GRHL1: variants seen among roughly 807,000 people sequenced by gnomAD.
GRHL1 encodes grainyhead-like protein 1 homolog.
GRHL1 carries 38 observed loss-of-function variants against 75.7 expected under a neutral mutation model. The observed-to-expected ratio is 0.50, with a 90% CI of 0.39 to 0.66. The LOEUF (loss-of-function observed/expected upper bound fraction) is 0.66. Ranked by LOEUF, GRHL1 falls within the 30% of genes least tolerant of loss-of-function variation. GRHL1 has a pLI of 0.00. For missense variants in GRHL1, 589 were observed against 767.5 expected, an observed-to-expected ratio of 0.77 and a Z score of 2.75; for synonymous variants, 266 against 279.4, an observed-to-expected ratio of 0.95 and a Z score of 0.48.
chr2:9,984,085 C>T (rs138217707), intron 8 of GRHL1, among the ~76,000 whole-genome samples: 1,947 of 151,976 alleles, frequency 0.013, 20 homozygotes, highest in Non-Finnish European at 0.021. Context: ...ACCCGGGAGG[C>T]GGAGGTTGCA....
Position 9,965,394 on chromosome 2 carries a change from G to A in GRHL1, c.1110+13G>A. ...CGATGAAGCAAAGGTGGGTGGTGAG[G>A]TCTGGGCGCCTTATGTCCAGCCATT... On this transcript the variant is annotated intron_variant, in intron 8 of 15. Transcript: ENST00000324907. 11 of 1,466,060 alleles carry A rather than the reference G, an allele frequency of 7.5e-6. No homozygotes were observed. Among genetic ancestry groups the A allele is most frequent in the Non-Finnish European group, 1.1e-5 (11 of 1,046,456 alleles). 90.8% of individuals were successfully genotyped at this position (1,466,060 alleles called of 1,614,324 possible).
chr2:9,990,123 C>T lies in GRHL1; in HGVS notation c.1270-573C>T, dbSNP rs1572383386. Among the ~76,000 whole-genome samples, 1 of 151,996 alleles carries T rather than the reference C, an allele frequency of 6.6e-6. No homozygotes were observed. Among genetic ancestry groups the T allele is most frequent in the African/African-American group, 2.4e-5 (1 of 41,380 alleles). On this transcript the variant is annotated intron_variant, in intron 9 of 15. Coordinates refer to ENST00000324907, the MANE Select transcript of GRHL1 (RefSeq NM_198182.3). The surrounding 1 kb of genome is among the most constrained non-coding windows in gnomAD (Gnocchi z 4.2). ...ACAGATTTTCTCAGCTTTCATTTAA[C>T]ACGACCACATCCATTATAAGGAGAA...
chr2:9,975,627 C>G (rs1034686808), intron 8 of GRHL1, among the ~76,000 whole-genome samples: 1 of 152,000 alleles, frequency 6.6e-6, no homozygotes, highest in Non-Finnish European at 1.5e-5. Flanking sequence ...CCGGTAATCC[C>G]AGCGCTTTGG....
intron 8 of GRHL1, among the ~76,000 whole-genome samples, chr2:9,972,857 G>A (rs1199409543): frequency 6.6e-6 from 1 of 152,180 alleles, no homozygotes; most frequent in Non-Finnish European, 1.5e-5. Context: ...CCGTGTGCAG[G>A]TACCTCCAGA....
rs1285031695 is a variant in GRHL1, at chr2:9,951,960, G to A, written c.20+107G>A. 38 of 611,000 alleles carry A rather than the reference G, an allele frequency of 6.2e-5. No individual in the cohort carries two copies. The highest frequency in any genetic ancestry group is 7.7e-5 in the Non-Finnish European group (37 of 481,722). 37.8% of individuals were successfully genotyped at this position (611,000 alleles called of 1,614,324 possible). A position where few individuals can be genotyped will look rare whatever the true frequency, so the allele number is the denominator to read the frequency against. ...CCCGAGGCCGCGCGGGCGGGCGGGC[G>A]CGGGGCGCGAGCCGGGGGCCGCTGT... is the stretch of plus-strand genomic sequence containing the variant. On this transcript the variant is annotated intron_variant, in intron 1 of 15. Coordinates refer to ENST00000324907, the MANE Select transcript of GRHL1 (RefSeq NM_198182.3). The surrounding 1 kb of genome is among the most constrained non-coding windows in gnomAD (Gnocchi z 4.2).
rs1668473363 is a variant in GRHL1, at chr2:9,987,485, C to A, written c.1269+1203C>A. Among the ~76,000 whole-genome samples the A allele has an allele frequency of 6.6e-6, 1 of 152,204 alleles. No individual in the cohort carries two copies. The highest frequency in any genetic ancestry group is 2.1e-4 in the South Asian group (1 of 4,826). ...CACGGGAGCTCTTCCTTAGCTGTGT[C>A]CGAGTGGCTGAATCACAAAGTGCTG... On this transcript the variant is annotated intron_variant, in intron 9 of 15. Coordinates refer to ENST00000324907, the MANE Select transcript of GRHL1 (RefSeq NM_198182.3). This position sits in a 1 kb window ranked among gnomAD's most constrained non-coding sequence, Gnocchi z 4.2.
chr2:9,997,253 G>T (rs966002631), intron 14 of GRHL1, among the ~76,000 whole-genome samples: 3 of 152,164 alleles, frequency 2.0e-5, no homozygotes, highest in Non-Finnish European at 4.4e-5. Context: ...TAGTTAGGAA[G>T]ACACAGACAC....
chr2:9,988,006 A>T (rs982365372), intron 9 of GRHL1, among the ~76,000 whole-genome samples: 24 of 152,330 alleles, frequency 1.6e-4, no homozygotes, highest in Admixed American at 1.5e-3. Context: ...TGGCTTTTGC[A>T]TCAGGTACAC....
chr2:9,971,414 C>T (rs1229330709), intron 8 of GRHL1, among the ~76,000 whole-genome samples: 4 of 152,050 alleles, frequency 2.6e-5, no homozygotes, highest in Admixed American at 2.6e-4. Context: ...TACTCCCTGG[C>T]CTAAATAGAA....
At chr2:9,964,607 G>C (rs1273820775) in intron 7 of GRHL1, 2 of 370,032 alleles carry the variant, frequency 5.4e-6, no homozygotes, top group Non-Finnish European at 4.9e-6. Flanking sequence ...GCTAACCTGA[G>C]AATGTCCCCA....
At chr2:9,982,117 T>C (rs1668221201) in intron 8 of GRHL1, among the ~76,000 whole-genome samples, 2 of 152,280 alleles carry the variant, frequency 1.3e-5, no homozygotes, top group Non-Finnish European at 2.9e-5. Flanking sequence ...ATCTTTCTTT[T>C]GATTACATGA....
At chr2:9,989,803 G>A (rs921949889) in intron 9 of GRHL1, among the ~76,000 whole-genome samples, 1 of 152,138 alleles carries the variant, frequency 6.6e-6, no homozygotes, top group African/African-American at 2.4e-5. Flanking sequence ...ACCCACCTCG[G>A]CCTCCCAAAA....
intron 8 of GRHL1, among the ~76,000 whole-genome samples, chr2:9,967,805 T>TA (rs1487230160): frequency 1.3e-5 from 2 of 152,180 alleles, no homozygotes; most frequent in Non-Finnish European, 2.9e-5. Flanking sequence ...TTTTTTTTTT[T>TA]ACTGTTTTCT....
chr2:9,962,353 G>T, intron 4 of GRHL1, 102 bp from the exon 5 acceptor site: 2 of 691,208 alleles, frequency 2.9e-6, no homozygotes, highest in East Asian at 2.7e-5. Context: ...AAAGGATAGT[G>T]GGTTGCTGTA....
At chr2:9,991,529 C>CTT (rs3838541) in intron 10 of GRHL1, among the ~76,000 whole-genome samples, 41,438 of 152,000 alleles carry the variant, frequency 0.27, 6,096 homozygotes, top group African/African-American at 0.35. Context: ...GAGTCTCTAA[C>CTT]TTACTAAATT....
rs868073048 is a variant in GRHL1 at position 9,951,951 on chromosome 2, C to G, written c.20+98C>G. The stretch of plus-strand genomic sequence containing the variant: ...GGGCGCAGACCCGAGGCCGCGCGGG[C>G]GGGCGGGCGCGGGGCGCGAGCCGGG... On this transcript the variant is annotated intron_variant, in intron 1 of 15. Transcript: ENST00000324907. The surrounding 1 kb of genome is among the most constrained non-coding windows in gnomAD (Gnocchi z 4.2). The G allele has an allele frequency of 1.8e-4, 122 of 692,858 alleles. No homozygotes were observed. The highest frequency in any genetic ancestry group is 1.8e-4 in the Admixed American group (3 of 16,658). The allele number at this position is 692,858 out of a possible 1,614,324, so 42.9% of individuals were successfully genotyped here. A position where few individuals can be genotyped will look rare whatever the true frequency, so the allele number is the denominator to read the frequency against.
Position 9,972,451 on chromosome 2 carries a change from A to AAC in GRHL1, c.1110+7070_1110+7071insAC, listed in dbSNP as rs201410392. Among the ~76,000 whole-genome samples the AAC allele has an allele frequency of 7.9e-3, 1,202 of 152,066 alleles. 10 individuals carry two copies. Among genetic ancestry groups the AAC allele is most frequent in the African/African-American group, 0.028 (1,157 of 41,476 alleles). ...GTAACTGAACTTACCCAGCATAGCAATTTCAAGGCGGCATGGGGGCTTGGA... is the reference window on the plus strand; with the variant it reads ...GTAACTGAACTTACCCAGCATAGCAAACTTTCAAGGCGGCATGGGGGCTTGGA... On this transcript the variant is annotated intron_variant, in intron 8 of 15. Transcript: ENST00000324907.
Position 9,951,783 on chromosome 2 carries a change from G to T in GRHL1, c.-51G>T. 1 of 1,506,258 alleles carries T rather than the reference G, an allele frequency of 6.6e-7. No individual in the cohort carries two copies. Among genetic ancestry groups the T allele is most frequent in the South Asian group, 1.2e-5 (1 of 82,658 alleles). 93.3% of individuals were successfully genotyped at this position (1,506,258 alleles called of 1,614,324 possible). Reference sequence around the variant, plus strand: ...CTCCTCCCCCCGGATCGGGTGTACTGTCCCAACCCGAAAGTCCAGTTCTGC... The same window carrying T: ...CTCCTCCCCCCGGATCGGGTGTACTTTCCCAACCCGAAAGTCCAGTTCTGC... On this transcript the variant is annotated 5_prime_UTR_variant, in exon 1 of 16. Transcript: ENST00000324907. This position sits in a 1 kb window ranked among gnomAD's most constrained non-coding sequence, Gnocchi z 4.2.
In GRHL1 at chr2:9,968,416, T is replaced by C. The variant is rs909966292; in HGVS notation, c.1110+3035T>C. Reference sequence around the variant, plus strand: ...TGTCTGCTGTGTAGACGTATTTCATTCCTTTTATTGTCCTTCCACAAAATT... The same window carrying C: ...TGTCTGCTGTGTAGACGTATTTCATCCCTTTTATTGTCCTTCCACAAAATT... On this transcript the variant is annotated intron_variant, in intron 8 of 15. Coordinates refer to ENST00000324907, the MANE Select transcript of GRHL1 (RefSeq NM_198182.3). The surrounding 1 kb of genome is among the most constrained non-coding windows in gnomAD (Gnocchi z 4.7). 3.8e-4 allele frequency among the ~76,000 whole-genome samples: 58 copies of C among 152,336 alleles called. 1 individual carries two copies. Among genetic ancestry groups the C allele is most frequent in the South Asian group, 2.7e-3 (13 of 4,828 alleles).
Sources: allele counts gnomAD v4.1 joint callset (sites outside exome capture counted in the v4.1 genomes callset), GRCh38; gene constraint gnomAD v4.1.1; non-coding constraint Gnocchi (gnomAD v3.1); transcripts MANE v1.5; gene names NCBI Gene and HGNC (gene_info 2026-07-23, HGNC 2026-07-21).